Variants in SHOC1 observed in about 807,000 individuals in gnomAD.
The protein encoded by SHOC1 is protein shortage in chiasmata 1 ortholog.
In SHOC1, 136 loss-of-function variants were observed where a neutral mutation model predicts 179.2. That is an observed-to-expected ratio of 0.76 (90% CI 0.66 to 0.87). The LOEUF is 0.87. SHOC1 is among the 40% of genes least tolerant of loss of function. SHOC1 has a pLI of 0.00. For synonymous variants in SHOC1, 489 were observed against 586.6 expected, an observed-to-expected ratio of 0.83 and a Z score of 2.41; for missense variants, 1,538 against 1,700.8, an observed-to-expected ratio of 0.90 and a Z score of 1.68.
Position 111,758,174 on chromosome 9 carries a change from T to G in SHOC1, c.618A>C (p.Glu206Asp), listed in dbSNP as rs972638206. 3 of 1,576,502 alleles carry G rather than the reference T, an allele frequency of 1.9e-6. No homozygotes were observed. Among genetic ancestry groups the G allele is most frequent in the Non-Finnish European group, 2.6e-6 (3 of 1,162,102 alleles). ...CTTCTTTCACAAAAGCTTCCAAAGT[T>G]TCTTGAAGAGAGAAACATTCCCTTA... is the stretch of plus-strand genomic sequence containing the variant. ...NFSRECFSLQETLEAFVKEDF... is the reference protein window; with the variant it reads ...NFSRECFSLQDTLEAFVKEDF... Residue 206 changes from glutamate to aspartate, a missense_variant, in exon 7 of 28, where the codon GAA becomes GAC. Glu to Asp is a conservative substitution (Grantham distance 45, BLOSUM62 2). Coordinates refer to ENST00000682961, the MANE Select transcript of SHOC1 (RefSeq NM_001378211.1).
intron 4 of SHOC1, 104 bp from the exon 5 acceptor site, chr9:111,776,079 A>T: frequency 3.8e-6 from 3 of 780,770 alleles, no homozygotes; most frequent in Non-Finnish European, 4.1e-6. Flanking sequence ...AAATTCCAAC[A>T]GACACAGAGA....
At chr9:111,735,190 AT>A (rs140714238) in intron 12 of SHOC1, among the ~76,000 whole-genome samples, 9 of 148,812 alleles carry the variant, frequency 6.0e-5, no homozygotes, top group South Asian at 2.1e-4. Flanking sequence ...TATGTACCAC[AT>A]TTTTTTTTTA....
At chr9:111,783,116 G>C (rs1202094666) in intron 3 of SHOC1, among the ~76,000 whole-genome samples, 1 of 151,852 alleles carries the variant, frequency 6.6e-6, no homozygotes, top group African/African-American at 2.4e-5. Flanking sequence ...CTCTCATCAT[G>C]TATTTTTTAA....
At chr9:111,775,716 A>T in intron 5 of SHOC1, 75 bp downstream of exon 5, 1 of 1,335,902 alleles carries the variant, frequency 7.5e-7, no homozygotes, top group Non-Finnish European at 1.0e-6. Context: ...TTCAACTCAA[A>T]CAAAAAACTC....
In SHOC1 at chr9:111,705,330, A is replaced by T; in HGVS notation, c.2772T>A (p.Leu924=). 1 of 1,590,830 alleles carries T rather than the reference A, an allele frequency of 6.3e-7. No homozygotes were observed. The highest frequency in any genetic ancestry group is 1.1e-5 in the South Asian group (1 of 87,218). ...ACACATATGGAATCTGAATTTCCAA[A>T]AGAAAACCTCCAAATCTATCCAGCA... ...STLLDRFGGF[L]LEIQIPYVFF... The change falls in exon 21 of 28, where the codon CTT becomes CTA. Residue 924 remains leucine, a synonymous_variant. Coordinates refer to ENST00000682961, the MANE Select transcript of SHOC1 (RefSeq NM_001378211.1).
intron 26 of SHOC1, among the ~76,000 whole-genome samples, chr9:111,693,307 A>G (rs1392847053): frequency 1.3e-5 from 2 of 149,458 alleles, no homozygotes; most frequent in Non-Finnish European, 3.0e-5. Flanking sequence ...CTCCATCTCA[A>G]AAAAAAAGAA....
chr9:111,693,909 A>G lies in SHOC1; in HGVS notation c.3355T>C (p.Leu1119=), dbSNP rs1831564626. 1 of 1,612,394 alleles carries G rather than the reference A, an allele frequency of 6.2e-7. No homozygotes were observed. Among genetic ancestry groups the G allele is most frequent in the East Asian group, 2.2e-5 (1 of 44,778 alleles). The change falls in exon 26 of 28, where the codon TTG becomes CTG. Residue 1119 remains leucine (L), a synonymous_variant. Transcript: ENST00000682961. ...TTATTTAGCATGAGCTGAGCCACCA[A>G]TGGGTTAATACATGGAAAATCAAGT... ...YLLDFPCINP[L]VAQLMLNKGP... is the part of the protein sequence containing the mutation.
rs74527380 is a variant in SHOC1 at position 111,709,936 on chromosome 9, G to C, written c.2489-2012C>G. Among the ~76,000 whole-genome samples the C allele has an allele frequency of 3.1e-3, 466 of 152,126 alleles. 3 individuals are homozygous for C. The highest frequency in any genetic ancestry group is 0.01 in the African/African-American group (434 of 41,524). On this transcript the variant is annotated intron_variant, in intron 18 of 27. Transcript: ENST00000682961. ...TAAAACTAAAAAAAAATCTGTCAGT[G>C]TATCTTCAGTAACATCAAAGGAGAA... is the stretch of plus-strand genomic sequence containing the variant.
At chr9:111,760,620 G>A (rs557389441) in intron 5 of SHOC1, among the ~76,000 whole-genome samples, 1 of 150,650 alleles carries the variant, frequency 6.6e-6, no homozygotes, top group Non-Finnish European at 1.5e-5. Context: ...TACAATTAAT[G>A]TTTTTTTTTA....
At chr9:111,781,750 A>AATTAATTAATT (rs1554724113) in intron 3 of SHOC1, among the ~76,000 whole-genome samples, 3 of 150,892 alleles carry the variant, frequency 2.0e-5, no homozygotes, top group Non-Finnish European at 4.4e-5. Context: ...ATAAATAAAT[A>AATTAATTAATT]AATTTGTATG....
At chr9:111,783,695 G>A (rs1281808282) in intron 3 of SHOC1, among the ~76,000 whole-genome samples, 1 of 152,154 alleles carries the variant, frequency 6.6e-6, no homozygotes, top group African/African-American at 2.4e-5. Context: ...TGAAGCTCTA[G>A]CTTGAGAAGC....
rs1831160095 is a variant in SHOC1 at position 111,686,351 on chromosome 9, T to C, written c.*419A>G. 6.6e-6 allele frequency: 1 copy of C among 152,424 alleles called. No individual in the cohort carries two copies. The highest frequency in any genetic ancestry group is 1.5e-5 in the Non-Finnish European group (1 of 68,172). The allele number at this position is 152,424 out of a possible 1,614,324, so 9.4% of individuals were successfully genotyped here. On this transcript the variant is annotated 3_prime_UTR_variant, in exon 28 of 28. Coordinates refer to ENST00000682961, the MANE Select transcript of SHOC1 (RefSeq NM_001378211.1). ...GTTGCAAATATTTCCTCTTAGTAATTTGTTCTTAAATTGTGTTTACAGAAA... is the reference window on the plus strand; with the variant it reads ...GTTGCAAATATTTCCTCTTAGTAATCTGTTCTTAAATTGTGTTTACAGAAA...
Position 111,748,193 on chromosome 9 carries a change from G to C in SHOC1, c.869C>G (p.Thr290Ser), listed in dbSNP as rs10981047. ...GATATCCTCAATTCCATGCTTGTTA[G>C]TAAGATCTGAAAAGGAAGAAACTCT... Reference protein sequence around the residue: ...EKEKLFERDLTNKHGIEDIGD... With the variant: ...EKEKLFERDLSNKHGIEDIGD... The change falls in exon 9 of 28, where the codon ACT (threonine) becomes AGT (serine). Residue 290 changes from threonine (T) to serine (S), a missense_variant. Thr to Ser is a moderately conservative substitution (Grantham distance 58, BLOSUM62 1). Coordinates refer to ENST00000682961, the MANE Select transcript of SHOC1 (RefSeq NM_001378211.1). The C allele has an allele frequency of 0.022, 34,957 of 1,608,682 alleles. 1,335 individuals are homozygous for C. Among genetic ancestry groups the C allele is most frequent in the African/African-American group, 0.16 (12,087 of 74,832 alleles).
intron 5 of SHOC1, among the ~76,000 whole-genome samples, chr9:111,772,681 G>A (rs1394434555): frequency 6.6e-6 from 1 of 152,212 alleles, no homozygotes; most frequent in East Asian, 1.9e-4. Context: ...CCAAATGGGA[G>A]AGTCTGAAAA....
At chr9:111,720,368 G>T (rs1832980482) in intron 15 of SHOC1, among the ~76,000 whole-genome samples, 1 of 152,038 alleles carries the variant, frequency 6.6e-6, no homozygotes, top group African/African-American at 2.4e-5. Flanking sequence ...ATGTCTTTTT[G>T]TTCCTCTGGC....
chr9:111,688,235 T>C (rs532149575), intron 27 of SHOC1, among the ~76,000 whole-genome samples: 7 of 152,206 alleles, frequency 4.6e-5, no homozygotes, highest in East Asian at 1.9e-4. Context: ...TTTCTGGATA[T>C]CAATCTCTCA....
Position 111,727,732 on chromosome 9 carries a change from CTT to C in SHOC1, c.1733_1734del (p.Gln578ArgfsTer3), listed in dbSNP as rs759616501. The part of the protein sequence containing the change: ...KKASFEHGKK[Q>X]ENDLDLLSDF... ...TCGCTCAAAAGGTCCAAATCATTCTCTTGTTTTTTGCCATGTTCAAAAGATGC... is the reference window on the plus strand; with the variant it reads ...TCGCTCAAAAGGTCCAAATCATTCTCGTTTTTTGCCATGTTCAAAAGATGC... On this transcript the variant is annotated frameshift_variant, in exon 13 of 28. Transcript: ENST00000682961. LOFTEE classifies it high-confidence loss of function. The C allele has an allele frequency of 1.2e-6, 2 of 1,613,324 alleles. No homozygotes were observed. The highest frequency in any genetic ancestry group is 1.1e-5 in the South Asian group (1 of 90,996).
rs530449508 is a variant in SHOC1, at chr9:111,754,474, G to A, written c.862+1851C>T. Among the ~76,000 whole-genome samples, 33 of 152,326 alleles carry A rather than the reference G, an allele frequency of 2.2e-4. 1 individual carries two copies. The highest frequency in any genetic ancestry group is 8.3e-4 in the South Asian group (4 of 4,824). ...TTATATAATAACAAGTTTTGGAGAG[G>A]ATGTAGGTAATTTGGAACCCTCACA... On this transcript the variant is annotated intron_variant, in intron 8 of 27. Coordinates refer to ENST00000682961, the MANE Select transcript of SHOC1 (RefSeq NM_001378211.1).
chr9:111,697,315 A>G (rs779577752), intron 24 of SHOC1, among the ~76,000 whole-genome samples: 4 of 151,832 alleles, frequency 2.6e-5, no homozygotes, highest in Admixed American at 6.6e-5. Context: ...TACATTAGGT[A>G]TATCTCCTAA....
Sources: allele counts gnomAD v4.1 joint callset (sites outside exome capture counted in the v4.1 genomes callset), GRCh38; gene constraint gnomAD v4.1.1; transcripts MANE v1.5; gene names NCBI Gene and HGNC (gene_info 2026-07-23, HGNC 2026-07-21).